The following AGAP3 variants were observed in gnomAD, a reference collection of about 807,000 sequenced individuals.
AGAP3 encodes the protein ArfGAP with GTPase domain, ankyrin repeat and PH domain 3.
Under a neutral mutation model 96.9 loss-of-function variants are expected in AGAP3, and 24 were observed. The ratio of observed to expected loss-of-function variants is 0.25; its 90% CI spans 0.18 to 0.35. The LOEUF (loss-of-function observed/expected upper bound fraction) is 0.35, where lower values mean the gene tolerates loss of function less well. Ranked by LOEUF, AGAP3 falls within the 10% of genes least tolerant of loss-of-function variation. The pLI, the probability that AGAP3 is intolerant of heterozygous loss-of-function variation, is 1.00. For missense variants in AGAP3, 876 were observed against 1,254.2 expected, an observed-to-expected ratio of 0.70 and a Z score of 4.55; for synonymous variants, 563 against 536.1, an observed-to-expected ratio of 1.05 and a Z score of -0.69.
At chr7:151,131,362 CGTT>C (rs1368314685) in intron 10 of AGAP3, 3 of 152,232 alleles carry the variant, frequency 2.0e-5, no homozygotes, top group African/African-American at 4.8e-5. Flanking sequence ...GCTCTGAACT[CGTT>C]GTTAATTCCA....
chr7:151,143,538 C>G lies in AGAP3; in HGVS notation c.2471C>G (p.Thr824Arg). 3.7e-6 allele frequency: 6 copies of G among 1,613,772 alleles called. No homozygotes were observed. The highest frequency in any genetic ancestry group is 5.1e-6 in the Non-Finnish European group (6 of 1,179,836). The stretch of plus-strand genomic sequence containing the variant: ...ACCTATGGGGACGGGGACGGGCGGA[C>G]GGCTCTACATCTCTCCAGTGCCATG... ...NETYGDGDGR[T>R]ALHLSSAMAN... is the part of the protein sequence containing the mutation. The change falls in exon 17 of 18, where the codon ACG (threonine) becomes AGG (arginine). Residue 824 changes from threonine (T) to arginine (R), a missense_variant. Thr to Arg is a moderately conservative substitution (Grantham distance 71, BLOSUM62 -1). Around this residue, in one of 8 missense-constraint regions of AGAP3, gnomAD observed 213 missense variants for 253.8 expected, o/e 0.84. Coordinates refer to ENST00000397238, the MANE Select transcript of AGAP3 (RefSeq NM_031946.7). This position sits in a 1 kb window ranked among gnomAD's most constrained non-coding sequence, Gnocchi z 5.9.
chr7:151,122,231 G>A (rs551733094), intron 8 of AGAP3, among the ~76,000 whole-genome samples: 30 of 152,252 alleles, frequency 2.0e-4, no homozygotes, highest in African/African-American at 6.5e-4. Context: ...GGTCTGGGCC[G>A]TGGAGCCCAG....
intron 1 of AGAP3, chr7:151,115,188 G>A (rs1210865231): frequency 6.9e-6 from 7 of 1,008,866 alleles, no homozygotes; most frequent in Admixed American, 6.1e-5. Context: ...GCTGGCGGCC[G>A]CCGAGGCGCC....
Position 151,096,756 on chromosome 7 carries a change from G to A in AGAP3, c.331+9684G>A, listed in dbSNP as rs1393686841. Among the ~76,000 whole-genome samples the A allele has an allele frequency of 6.6e-6, 1 of 152,108 alleles. No homozygotes were observed. The highest frequency in any genetic ancestry group is 1.9e-4 in the East Asian group (1 of 5,194). Reference sequence around the variant, plus strand: ...TAAAGTGCTGGGATTACAGGCATGAGCCACTGCGCCTGGCCTAAATTTTCT... The same window carrying A: ...TAAAGTGCTGGGATTACAGGCATGAACCACTGCGCCTGGCCTAAATTTTCT... On this transcript the variant is annotated intron_variant, in intron 1 of 17. Transcript: ENST00000397238. This position sits in a 1 kb window ranked among gnomAD's most constrained non-coding sequence, Gnocchi z 4.4.
In AGAP3 at chr7:151,142,650, C is replaced by A; in HGVS notation, c.2273+16C>A. 6.2e-7 allele frequency: 1 copy of A among 1,609,262 alleles called. No individual in the cohort carries two copies. The highest frequency in any genetic ancestry group is 8.5e-7 in the Non-Finnish European group (1 of 1,178,876). ...ATGCCTGCAGGTGAGCAGATGGTGC[C>A]CTGGAGCTGGCCAGGAATGGGGGAA... On this transcript the variant is annotated intron_variant, in intron 16 of 17. Coordinates refer to ENST00000397238, the MANE Select transcript of AGAP3 (RefSeq NM_031946.7). This position sits in a 1 kb window ranked among gnomAD's most constrained non-coding sequence, Gnocchi z 7.5.
chr7:151,098,944 C>T (rs1184119746), intron 1 of AGAP3, among the ~76,000 whole-genome samples: 1 of 151,634 alleles, frequency 6.6e-6, no homozygotes, highest in Non-Finnish European at 1.5e-5. Context: ...CCATGTTGGC[C>T]AGACTGGTCT....
At position 151,118,078 on chromosome 7, in the gene AGAP3, C is replaced by T; in HGVS notation, c.707-132C>T. The T allele has an allele frequency of 7.9e-7, 1 of 1,259,118 alleles. No individual in the cohort carries two copies. Among genetic ancestry groups the T allele is most frequent in the South Asian group, 1.5e-5 (1 of 65,032 alleles). The allele number at this position is 1,259,118 out of a possible 1,614,324, so 78.0% of individuals were successfully genotyped here. ...AAGGGTTGAAATGAGACCCAGGCAC[C>T]CGCGTTCTTGGTGCTCTGTGTGTTC... is the stretch of plus-strand genomic sequence containing the variant. On this transcript the variant is annotated intron_variant, in intron 5 of 17. Coordinates refer to ENST00000397238, the MANE Select transcript of AGAP3 (RefSeq NM_031946.7). This position sits in a 1 kb window ranked among gnomAD's most constrained non-coding sequence, Gnocchi z 6.1.
chr7:151,123,216 C>T, intron 8 of AGAP3: 1 of 1,080,656 alleles, frequency 9.3e-7, no homozygotes, highest in Non-Finnish European at 1.1e-6. Context: ...GCCGCGCTTG[C>T]CTTGCCCCCT....
chr7:151,101,625 C>T (rs544658387), intron 1 of AGAP3, among the ~76,000 whole-genome samples: 2 of 152,310 alleles, frequency 1.3e-5, no homozygotes, highest in East Asian at 3.9e-4. Context: ...GTGCCCACCA[C>T]AGCCAAGAGG....
At chr7:151,098,561 G>C (rs1371046597) in intron 1 of AGAP3, among the ~76,000 whole-genome samples, 2 of 152,038 alleles carry the variant, frequency 1.3e-5, no homozygotes, top group African/African-American at 2.4e-5. Flanking sequence ...GCTGAGGTGA[G>C]AGGACTGCTT....
intron 8 of AGAP3, 132 bp downstream of exon 8, chr7:151,120,277 T>C: frequency 1.0e-6 from 1 of 965,522 alleles, no homozygotes; most frequent in African/African-American, 1.6e-5. Context: ...CTCCCTCAGA[T>C]ACACACGGCT....
chr7:151,112,896 C>T (rs777684238), intron 1 of AGAP3, among the ~76,000 whole-genome samples: 3 of 152,004 alleles, frequency 2.0e-5, no homozygotes, highest in Non-Finnish European at 4.4e-5. Context: ...GACACGGTGC[C>T]TAATTTTTTG....
Position 151,086,705 on chromosome 7 carries a change from G to T in AGAP3, c.-37G>T. 2.3e-6 allele frequency: 1 copy of T among 434,562 alleles called. No individual in the cohort carries two copies. Among genetic ancestry groups the T allele is most frequent in the Non-Finnish European group, 3.0e-6 (1 of 333,288 alleles). 26.9% of individuals were successfully genotyped at this position (434,562 alleles called of 1,614,324 possible). A position where few individuals can be genotyped will look rare whatever the true frequency, so the allele number is the denominator to read the frequency against. On this transcript the variant is annotated 5_prime_UTR_variant, in exon 1 of 18. Transcript: ENST00000397238. ...CCGCCGCCGCCGCCTCCGCCGCGCC[G>T]CCCCGGGCCCGCCTCGGGCCCCACG...
At chr7:151,093,074 G>A (rs139008579) in intron 1 of AGAP3, among the ~76,000 whole-genome samples, 5 of 152,230 alleles carry the variant, frequency 3.3e-5, no homozygotes, top group African/African-American at 9.6e-5. Flanking sequence ...CGGATGTAGC[G>A]TACAATAGAC....
chr7:151,107,224 CACTT>C (rs1799093237), intron 1 of AGAP3, among the ~76,000 whole-genome samples: 1 of 151,664 alleles, frequency 6.6e-6, no homozygotes, highest in African/African-American at 2.4e-5. Flanking sequence ...GCAGGAGAAT[CACTT>C]GAACCCGGGA....
intron 8 of AGAP3, chr7:151,122,758 A>G: frequency 6.2e-7 from 1 of 1,613,840 alleles, no homozygotes; most frequent in Non-Finnish European, 8.5e-7. Context: ...TTCATCAACA[A>G]AAAGGCCTTT....
rs576831444 is a variant in AGAP3 at position 151,133,779 on chromosome 7, C to T, written c.1327-621C>T. ...TGTAGGATGGTAAATACCCTGCACGCGACAGGCAGATGACATGACGGCGAT... is the reference window on the plus strand; with the variant it reads ...TGTAGGATGGTAAATACCCTGCACGTGACAGGCAGATGACATGACGGCGAT... On this transcript the variant is annotated intron_variant, in intron 10 of 17. Transcript: ENST00000397238. This position sits in a 1 kb window ranked among gnomAD's most constrained non-coding sequence, Gnocchi z 5.4. Among the ~76,000 whole-genome samples the T allele has an allele frequency of 5.3e-5, 8 of 152,274 alleles. No homozygotes were observed. The highest frequency in any genetic ancestry group is 1.9e-4 in the East Asian group (1 of 5,180).
intron 8 of AGAP3, chr7:151,123,105 C>T (rs937128460): frequency 7.9e-6 from 9 of 1,144,766 alleles, no homozygotes; most frequent in Non-Finnish European, 9.7e-6. Flanking sequence ...CCCGCCCGGC[C>T]CGGCTGCTCC....
At chr7:151,107,450 G>A (rs1055787942) in intron 1 of AGAP3, among the ~76,000 whole-genome samples, 22 of 152,066 alleles carry the variant, frequency 1.4e-4, no homozygotes, top group Admixed American at 1.3e-3. Flanking sequence ...CATGGTGAAA[G>A]CGGTCTCTAC....
Sources: allele counts gnomAD v4.1 joint callset (sites outside exome capture counted in the v4.1 genomes callset), GRCh38; gene constraint gnomAD v4.1.1; regional missense constraint gnomAD v4.1.1; non-coding constraint Gnocchi (gnomAD v3.1); transcripts MANE v1.5; gene names NCBI Gene and HGNC (gene_info 2026-07-23, HGNC 2026-07-21).